SOS2: variants seen among roughly 807,000 people sequenced by gnomAD.
The protein encoded by SOS2 is SOS Ras/Rho guanine nucleotide exchange factor 2, also known as son of sevenless homolog 2.
In SOS2, 65 loss-of-function variants were observed where a neutral mutation model predicts 148.2. That is an observed-to-expected ratio of 0.44 (90% CI 0.36 to 0.54). The LOEUF (loss-of-function observed/expected upper bound fraction) is 0.54. Ranked by LOEUF, SOS2 falls within the 20% of genes least tolerant of loss-of-function variation. The pLI, the probability that SOS2 is intolerant of heterozygous loss-of-function variation, is 0.00. For synonymous variants in SOS2, 539 were observed against 537.1 expected, an observed-to-expected ratio of 1.00 and a Z score of -0.05; for missense variants, 1,341 against 1,590.2, an observed-to-expected ratio of 0.84 and a Z score of 2.67.
intron 1 of SOS2, among the ~76,000 whole-genome samples, chr14:50,211,158 G>A (rs1278452713): frequency 1.3e-5 from 2 of 152,046 alleles, no homozygotes; most frequent in African/African-American, 4.8e-5. Context: ...AGTTGAAATG[G>A]GATGTTGGTG....
chr14:50,157,599 A>C (rs1884860498), intron 11 of SOS2, among the ~76,000 whole-genome samples: 1 of 152,184 alleles, frequency 6.6e-6, no homozygotes, highest in East Asian at 1.9e-4. Context: ...AAATACAGCT[A>C]AACTATAAGT....
At chr14:50,200,924 C>T in intron 3 of SOS2, 29 bp downstream of exon 3, 3 of 1,604,266 alleles carry the variant, frequency 1.9e-6, no homozygotes, top group Non-Finnish European at 2.6e-6. Context: ...TAAAGAACAC[C>T]CCCCAACTAA....
intron 21 of SOS2, among the ~76,000 whole-genome samples, chr14:50,129,256 AAAC>A (rs1167559812): frequency 6.6e-6 from 1 of 152,182 alleles, no homozygotes; most frequent in East Asian, 1.9e-4. Context: ...GGAACCTGAT[AAAC>A]ATTTACTATA....
At chr14:50,160,344 T>TATTAAGTC (rs1350799435) in intron 9 of SOS2, among the ~76,000 whole-genome samples, 8 of 151,010 alleles carry the variant, frequency 5.3e-5, no homozygotes, top group African/African-American at 1.9e-4. Flanking sequence ...TTTAAACATT[T>TATTAAGTC]ATTAAGTCTA....
chr14:50,223,311 G>A (rs1388487208), intron 1 of SOS2, among the ~76,000 whole-genome samples: 1 of 151,760 alleles, frequency 6.6e-6, no homozygotes, highest in Non-Finnish European at 1.5e-5. Flanking sequence ...GAGGCAGGAG[G>A]AATGCTTGGG....
At chr14:50,144,091 C>G (rs1434053128) in intron 16 of SOS2, among the ~76,000 whole-genome samples, 2 of 152,110 alleles carry the variant, frequency 1.3e-5, no homozygotes, top group Non-Finnish European at 2.9e-5. Context: ...TAGATTATTT[C>G]TAGGGAAATA....
chr14:50,160,677 G>A (rs937161043), intron 9 of SOS2, among the ~76,000 whole-genome samples: 5 of 151,766 alleles, frequency 3.3e-5, no homozygotes, highest in Admixed American at 1.3e-4. Flanking sequence ...GTGAGCCACC[G>A]TGCCCAGCCA....
In SOS2 at chr14:50,139,927, T is replaced by C. The variant is rs1388540716; in HGVS notation, c.2785+15A>G. 7.8e-7 allele frequency: 1 copy of C among 1,276,582 alleles called. No homozygotes were observed. Among genetic ancestry groups the C allele is most frequent in the Non-Finnish European group, 1.1e-6 (1 of 874,318 alleles). 79.1% of individuals were successfully genotyped at this position (1,276,582 alleles called of 1,614,324 possible). A position where few individuals can be genotyped will look rare whatever the true frequency, so the allele number is the denominator to read the frequency against. ...CACGCTCACCCTCAAAATATATCCA[T>C]ATTTAGTAACTTACCAAAAAAAGGC... is the stretch of plus-strand genomic sequence containing the variant. On this transcript the variant is annotated intron_variant, in intron 17 of 22. Transcript: ENST00000216373.
intron 12 of SOS2, among the ~76,000 whole-genome samples, chr14:50,153,892 C>T (rs1884739035): frequency 6.6e-6 from 1 of 152,172 alleles, no homozygotes; most frequent in Non-Finnish European, 1.5e-5. Context: ...GGATTATAGG[C>T]GTGAGCCACT....
At chr14:50,221,217 A>T (rs1293330718) in intron 1 of SOS2, among the ~76,000 whole-genome samples, 3 of 152,232 alleles carry the variant, frequency 2.0e-5, no homozygotes, top group Admixed American at 6.5e-5. Flanking sequence ...TAATTTATGG[A>T]AGAAAAATAA....
chr14:50,142,576 T>A (rs1415522911), intron 16 of SOS2, among the ~76,000 whole-genome samples: 1 of 152,230 alleles, frequency 6.6e-6, no homozygotes, highest in Non-Finnish European at 1.5e-5. Context: ...AATATTATAG[T>A]CATTCTGAAG....
At chr14:50,130,452 T>C (rs762285546) in intron 20 of SOS2, 49 bp downstream of exon 20, 1 of 1,514,954 alleles carries the variant, frequency 6.6e-7, no homozygotes, top group South Asian at 1.2e-5. Context: ...AAGAATTATC[T>C]GAGACACAGG....
chr14:50,226,268 C>T (rs1008461918), intron 1 of SOS2, among the ~76,000 whole-genome samples: 1 of 152,148 alleles, frequency 6.6e-6, no homozygotes, highest in Non-Finnish European at 1.5e-5. Context: ...AGTAATATTA[C>T]TATATTTGAA....
rs201957103 is a variant in SOS2 at position 50,138,789 on chromosome 14, T to TAAA, written c.2786-8_2786-6dup. 14 of 622,332 alleles carry TAAA rather than the reference T, an allele frequency of 2.2e-5. No individual in the cohort carries two copies. The highest frequency in any genetic ancestry group is 7.7e-5 in the Admixed American group (2 of 25,846). The allele number at this position is 622,332 out of a possible 1,614,324, so 38.6% of individuals were successfully genotyped here. ...GAATATTTGTTAAATATATTCCTAGTAAAAAAAAAAAAAGAATTTAAAGAA... is the reference window on the plus strand; with the variant it reads ...GAATATTTGTTAAATATATTCCTAGTAAAAAAAAAAAAAAAAGAATTTAAAGAA... On this transcript the variant is annotated splice_polypyrimidine_tract_variant and splice_region_variant and intron_variant, in intron 17 of 22. Transcript: ENST00000216373.
Position 50,138,802 on chromosome 14 carries a change from A to C in SOS2, c.2786-18T>G. On this transcript the variant is annotated intron_variant, in intron 17 of 22. Transcript: ENST00000216373. ...ATATATTCCTAGTAAAAAAAAAAAAAGAATTTAAAGAAAAGTTATTTTAAA... is the reference window on the plus strand; with the variant it reads ...ATATATTCCTAGTAAAAAAAAAAAACGAATTTAAAGAAAAGTTATTTTAAA... 1 of 763,356 alleles carries C rather than the reference A, an allele frequency of 1.3e-6. No individual in the cohort carries two copies. The highest frequency in any genetic ancestry group is 2.2e-5 in the South Asian group (1 of 44,722). 47.3% of individuals were successfully genotyped at this position (763,356 alleles called of 1,614,324 possible).
chr14:50,164,080 T>C (rs1425699635), intron 8 of SOS2, among the ~76,000 whole-genome samples: 1 of 152,156 alleles, frequency 6.6e-6, no homozygotes, highest in Non-Finnish European at 1.5e-5. Context: ...TTGATAAACA[T>C]CATATTAATG....
intron 16 of SOS2, among the ~76,000 whole-genome samples, chr14:50,143,429 T>A (rs1265252433): frequency 1.3e-5 from 2 of 152,018 alleles, no homozygotes; most frequent in Non-Finnish European, 2.9e-5. Flanking sequence ...AAATACATAT[T>A]CAACCTCACT....
At chr14:50,138,890 T>C in intron 17 of SOS2, 106 bp from the exon 18 acceptor site, 2 of 456,986 alleles carry the variant, frequency 4.4e-6, no homozygotes, top group South Asian at 9.3e-5. Context: ...AGACATCCTA[T>C]ACTATTCAGC....
At chr14:50,171,676 C>T (rs1316701902) in intron 8 of SOS2, among the ~76,000 whole-genome samples, 1 of 69,314 alleles carries the variant, frequency 1.4e-5, no homozygotes, top group Non-Finnish European at 2.5e-5. Flanking sequence ...GAGCAAAATT[C>T]CATCTCAAAA....
Sources: allele counts gnomAD v4.1 joint callset (sites outside exome capture counted in the v4.1 genomes callset), GRCh38; gene constraint gnomAD v4.1.1; transcripts MANE v1.5; gene names NCBI Gene and HGNC (gene_info 2026-07-23, HGNC 2026-07-21).